The following A3GALT2 variants were observed in gnomAD, a reference collection of about 807,000 sequenced individuals.
A3GALT2 encodes the protein alpha-1,3-galactosyltransferase 2.
A neutral mutation model predicts 16.6 loss-of-function variants in A3GALT2; 14 were observed. That is an observed-to-expected ratio of 0.84 (90% CI 0.56 to 1.32). A3GALT2 has a LOEUF of 1.32. Among genes scored for constraint, A3GALT2 ranks in the 40% most tolerant of loss-of-function variants. A3GALT2 has a pLI of 0.00. For synonymous variants in A3GALT2, 253 were observed against 218.0 expected (o/e 1.16, Z -1.42); for missense variants, 600 against 490.9 (o/e 1.22, Z -2.10).
chr1:33,308,899 G>T (rs1256852201), intron 4 of A3GALT2, among the ~76,000 whole-genome samples: 1 of 151,704 alleles, frequency 6.6e-6, no homozygotes, highest in Non-Finnish European at 1.5e-5. Context: ...GGTTTTCCTA[G>T]GCAGAGGACC....
chr1:33,314,571 A>T (rs1049584672), intron 1 of A3GALT2: 15 of 152,684 alleles, frequency 9.8e-5, no homozygotes, highest in African/African-American at 3.6e-4. Flanking sequence ...CACTGCGCCA[A>T]GCCAGAAACC....
Position 33,307,118 on chromosome 1 carries a change from T to G in A3GALT2, c.671A>C (p.His224Pro). 6.5e-7 allele frequency: 1 copy of G among 1,535,856 alleles called. No individual in the cohort carries two copies. The highest frequency in any genetic ancestry group is 8.7e-7 in the Non-Finnish European group (1 of 1,143,816). The change falls in exon 5 of 5, where the codon CAC becomes CCC. Residue 224 changes from histidine (H) to proline (P), a missense_variant. Physicochemically the swap from His to Pro is moderately conservative, Grantham distance 77. Coordinates refer to ENST00000442999, the MANE Select transcript of A3GALT2 (RefSeq NM_001080438.1). ...AESVAQLHSW[H>P]YHWPSWLLPF... is the part of the protein sequence containing the mutation. ...CAGCAGCCACGACGGCCAGTGGTAG[T>G]GCCAGGAGTGCAGCTGCGCCACCGA...
intron 1 of A3GALT2, among the ~76,000 whole-genome samples, chr1:33,315,779 G>A (rs1283378015): frequency 1.3e-5 from 2 of 152,214 alleles, no homozygotes; most frequent in Non-Finnish European, 2.9e-5. Context: ...GCATCAAGAT[G>A]TTCATCAGTT....
intron 4 of A3GALT2, 92 bp from the exon 5 acceptor site, chr1:33,307,545 AC>A (rs1438877061): frequency 1.3e-6 from 1 of 750,450 alleles, no homozygotes; most frequent in Non-Finnish European, 1.6e-6. Flanking sequence ...CCCCACCCTC[AC>A]CCCCACTCCC....
At chr1:33,311,985 C>T in intron 4 of A3GALT2, 67 bp downstream of exon 4, 1 of 1,597,618 alleles carries the variant, frequency 6.3e-7, no homozygotes, top group Non-Finnish European at 8.5e-7. Flanking sequence ...TGCCCCGCCT[C>T]CTTCATCACA....
intron 1 of A3GALT2, among the ~76,000 whole-genome samples, chr1:33,315,041 G>T (rs1223129552): frequency 3.9e-5 from 6 of 152,128 alleles, no homozygotes; most frequent in Non-Finnish European, 7.3e-5. Flanking sequence ...GAGGCCAGGA[G>T]TTCGAGATCA....
intron 1 of A3GALT2, among the ~76,000 whole-genome samples, chr1:33,319,427 G>T (rs1030114101): frequency 6.6e-6 from 1 of 152,210 alleles, no homozygotes; most frequent in African/African-American, 2.4e-5. Flanking sequence ...CCTCTGCAAG[G>T]CTGGGCGGCC....
chr1:33,312,238 A>C (rs371220882), intron 3 of A3GALT2, 49 bp from the exon 4 acceptor site: 1 of 1,606,068 alleles, frequency 6.2e-7, no homozygotes, highest in Non-Finnish European at 8.5e-7. Context: ...TCATCCACCC[A>C]CTTGGTGCAT....
Position 33,306,814 on chromosome 1 carries a change from G to C in A3GALT2, c.975C>G (p.Arg325=), listed in dbSNP as rs1162759674. The stretch of plus-strand genomic sequence containing the variant: ...CCTTGGGCGCCCACAGCAGTCGCGG[G>C]CGGCGGATCTCGGCCCGCGGGCCGA... ...PDIGPRAEIR[R]PRLLWAPKGY... Residue 325 remains arginine (R), a synonymous_variant, in exon 5 of 5, where the codon CGC becomes CGG. Coordinates refer to ENST00000442999, the MANE Select transcript of A3GALT2 (RefSeq NM_001080438.1). 1 of 1,474,762 alleles carries C rather than the reference G, an allele frequency of 6.8e-7. No homozygotes were observed. Among genetic ancestry groups the C allele is most frequent in the Non-Finnish European group, 8.9e-7 (1 of 1,120,052 alleles). The allele number at this position is 1,474,762 out of a possible 1,614,324, so 91.4% of individuals were successfully genotyped here.
chr1:33,308,011 CACCTCACCCCCACCGCA>C (rs147095715), intron 4 of A3GALT2, among the ~76,000 whole-genome samples: 616 of 622 alleles, frequency 0.99, 305 homozygotes, highest in Middle Eastern at 1. Flanking sequence ...CAACCTCACC[CACCTCACCCCCACCGCA>C]ACCTCACCCC....
chr1:33,307,305 G>C lies in A3GALT2; in HGVS notation c.484C>G (p.Arg162Gly), dbSNP rs768083377. Residue 162 changes from arginine (R) to glycine (G), a missense_variant, in exon 5 of 5, where the codon CGC (arginine) becomes GGC (glycine). Arg to Gly is a moderately radical substitution (Grantham distance 125). Coordinates refer to ENST00000442999, the MANE Select transcript of A3GALT2 (RefSeq NM_001080438.1). ...LGPGRRLPVE[R>G]VARERRWQDV... ...TGCCAGCGCCGCTCGCGCGCCACGC[G>C]CTCCACGGGCAGCCGGCGTCCCGGG... 1.1e-5 allele frequency: 16 copies of C among 1,479,858 alleles called. No individual in the cohort carries two copies. Among genetic ancestry groups the C allele is most frequent in the Non-Finnish European group, 1.3e-5 (15 of 1,126,356 alleles). The allele number at this position is 1,479,858 out of a possible 1,614,324, so 91.7% of individuals were successfully genotyped here.
chr1:33,308,816 A>AGGG (rs1395970105), intron 4 of A3GALT2, among the ~76,000 whole-genome samples: 1 of 107,306 alleles, frequency 9.3e-6, no homozygotes, highest in Non-Finnish European at 1.7e-5. Flanking sequence ...TTTCTCAGAG[A>AGGG]GGGGGATTTG....
chr1:33,310,405 A>G (rs903213066), intron 4 of A3GALT2, among the ~76,000 whole-genome samples: 1 of 152,212 alleles, frequency 6.6e-6, no homozygotes, highest in Non-Finnish European at 1.5e-5. Flanking sequence ...AGCTATAATA[A>G]TAAGTTGTTT....
chr1:33,313,123 G>A (rs1646243453), intron 1 of A3GALT2, among the ~76,000 whole-genome samples: 1 of 148,704 alleles, frequency 6.7e-6, no homozygotes, highest in South Asian at 2.2e-4. Flanking sequence ...GACTGACCTT[G>A]GACAGGAGAG....
intron 4 of A3GALT2, among the ~76,000 whole-genome samples, chr1:33,308,091 G>A (rs560975742): frequency 2.1e-4 from 15 of 71,924 alleles, no homozygotes; most frequent in East Asian, 1.7e-3. Flanking sequence ...CCCCACACCC[G>A]GCCTTGGAAC....
In A3GALT2 at chr1:33,306,910, G is replaced by A; in HGVS notation, c.879C>T (p.His293=). 6.6e-7 allele frequency: 1 copy of A among 1,522,054 alleles called. No individual in the cohort carries two copies. Among genetic ancestry groups the A allele is most frequent in the South Asian group, 1.2e-5 (1 of 81,622 alleles). The allele number at this position is 1,522,054 out of a possible 1,614,324, so 94.3% of individuals were successfully genotyped here. The change falls in exon 5 of 5, where the codon CAC becomes CAT. Residue 293 remains histidine (H), a synonymous_variant. Transcript: ENST00000442999. The part of the protein sequence containing the change: ...GLEARWHDES[H]LNKFFWLHKP... ...TGTGCAGCCAGAAGAACTTGTTGAG[G>A]TGGCTCTCGTCGTGCCAGCGCGCCT...
At chr1:33,311,565 C>T (rs1002323977) in intron 4 of A3GALT2, among the ~76,000 whole-genome samples, 1 of 152,188 alleles carries the variant, frequency 6.6e-6, no homozygotes, top group Non-Finnish European at 1.5e-5. Flanking sequence ...CCTTGCAATC[C>T]TTCAGCTCCC....
intron 4 of A3GALT2, among the ~76,000 whole-genome samples, chr1:33,309,082 G>C (rs1262473956): frequency 1.3e-5 from 2 of 151,632 alleles, no homozygotes; most frequent in African/African-American, 2.4e-5. Flanking sequence ...CACGGGGTTG[G>C]GGGTAAGGTT....
chr1:33,312,187 G>T lies in A3GALT2; in HGVS notation c.200C>A (p.Ala67Asp). 1 of 1,613,188 alleles carries T rather than the reference G, an allele frequency of 6.2e-7. No individual in the cohort carries two copies. The highest frequency in any genetic ancestry group is 1.3e-5 in the African/African-American group (1 of 75,062). The change falls in exon 4 of 5, where the codon GCC becomes GAC. Residue 67 changes from alanine (A) to aspartate (D), a missense_variant and splice_region_variant. Physicochemically the swap from Ala to Asp is moderately radical, Grantham distance 126. Coordinates refer to ENST00000442999, the MANE Select transcript of A3GALT2 (RefSeq NM_001080438.1). ...GGTACAGGTCAGAACTTCAGGCCGG[G>T]CCCTGGCCAGGGCAGGGATGGGAAA... is the stretch of plus-strand genomic sequence containing the variant. Reference protein sequence around the residue: ...DNFTGALRPWARPEVLTCTPW... With the variant: ...DNFTGALRPWDRPEVLTCTPW...
Sources: gnomAD v4.1 joint callset for allele counts (sites outside exome capture counted in the v4.1 genomes callset) on GRCh38, gnomAD v4.1.1 for gene constraint, MANE v1.5 for transcripts, NCBI Gene and HGNC (gene_info 2026-07-23, HGNC 2026-07-21) for gene names.